The following BLTP1 variants were observed in gnomAD, a reference collection of about 807,000 sequenced individuals.
BLTP1 encodes bridge-like lipid transfer protein family member 1, also known as fragile site-associated protein.
chr4:122,153,734 T>C, the BLTP1 span, among the ~76,000 whole-genome samples: 3 of 152,346 alleles, frequency 2.0e-5, no homozygotes, highest in Middle Eastern at 3.4e-3. Flanking sequence ...TTTTGAGTTA[T>C]GTTTTAAACA....
chr4:122,264,406 T>C, the BLTP1 span: 30 of 1,607,950 alleles, frequency 1.9e-5, no homozygotes, highest in Middle Eastern at 3.3e-4. Context: ...GGTTTCCTGC[T>C]GTTCAGCTTG....
chr4:122,234,794 T>C, the BLTP1 span: 2 of 1,613,434 alleles, frequency 1.2e-6, no homozygotes, highest in Non-Finnish European at 8.5e-7. Flanking sequence ...TATGGCCAGA[T>C]GATATCCTGA....
At chr4:122,248,005 A>G in the BLTP1 span, 5 of 985,052 alleles carry the variant, frequency 5.1e-6, no homozygotes, top group African/African-American at 7.0e-5. Flanking sequence ...CTGGTGACCA[A>G]TTCTGAGTAA....
At chr4:122,269,181 T>A in the BLTP1 span, 1 of 480,838 alleles carries the variant, frequency 2.1e-6, no homozygotes. Context: ...AATATGTTTA[T>A]ATGTATACAT....
the BLTP1 span, chr4:122,246,692 T>G: frequency 6.2e-7 from 1 of 1,612,232 alleles, no homozygotes; most frequent in Non-Finnish European, 8.5e-7. Context: ...GGTAAACTTA[T>G]GTTTGTTACA....
chr4:122,209,313 A>G, the BLTP1 span: 1 of 1,612,472 alleles, frequency 6.2e-7, no homozygotes, highest in Non-Finnish European at 8.5e-7. Context: ...GTTAAACCAA[A>G]ATGGCGCAAC....
At chr4:122,251,563 AT>A in the BLTP1 span, 13 of 984,356 alleles carry the variant, frequency 1.3e-5, no homozygotes, top group Non-Finnish European at 1.6e-5. Flanking sequence ...TAAAAATACA[AT>A]AGCTACTCAC....
the BLTP1 span, among the ~76,000 whole-genome samples, chr4:122,354,447 T>A: frequency 6.8e-6 from 1 of 146,946 alleles, no homozygotes; most frequent in Non-Finnish European, 1.5e-5. Context: ...TCTATCAAGT[T>A]GTAAGTTTAA....
At chr4:122,170,193 C>T in the BLTP1 span, 20 of 337,362 alleles carry the variant, frequency 5.9e-5, no homozygotes, top group African/African-American at 4.3e-4. Context: ...GTAATCCCAG[C>T]TACGAGGTAG....
the BLTP1 span, chr4:122,306,035 C>G: frequency 6.2e-7 from 1 of 1,603,316 alleles, no homozygotes; most frequent in South Asian, 1.1e-5. Context: ...AGCCTGTGGC[C>G]TTTGATAGAG....
chr4:122,188,118 A>C, the BLTP1 span: 5 of 1,412,584 alleles, frequency 3.5e-6, no homozygotes, highest in Admixed American at 8.4e-5. Flanking sequence ...ATAATAAAAA[A>C]CTTCTTATAG....
the BLTP1 span, chr4:122,239,521 C>T: frequency 2.6e-6 from 4 of 1,564,030 alleles, no homozygotes; most frequent in Admixed American, 1.8e-5. Flanking sequence ...TTTAGTATCC[C>T]TACAGAAATT....
the BLTP1 span, chr4:122,255,251 G>A: frequency 1.1e-5 from 17 of 1,609,368 alleles, no homozygotes; most frequent in Non-Finnish European, 5.1e-6. Flanking sequence ...TCTGCACCAG[G>A]CAAATTACTC....
the BLTP1 span, chr4:122,199,213 T>TC: frequency 9.7e-7 from 1 of 1,033,800 alleles, no homozygotes; most frequent in Non-Finnish European, 1.3e-6. Context: ...GTTAGCAAGC[T>TC]CCCTGTCACT....
the BLTP1 span, among the ~76,000 whole-genome samples, chr4:122,323,864 C>T: frequency 6.6e-6 from 1 of 151,972 alleles, no homozygotes; most frequent in Non-Finnish European, 1.5e-5. Flanking sequence ...TCCACATATT[C>T]CCCTCAATTC....
chr4:122,266,937 GA>G, the BLTP1 span: 2 of 1,585,556 alleles, frequency 1.3e-6, no homozygotes, highest in Non-Finnish European at 1.7e-6. Flanking sequence ...GCCAAAGAGA[GA>G]AAAGGCAAAA....
At chr4:122,186,389 A>G in the BLTP1 span, among the ~76,000 whole-genome samples, 1 of 152,020 alleles carries the variant, frequency 6.6e-6, no homozygotes, top group Non-Finnish European at 1.5e-5. Flanking sequence ...AATTGAGATA[A>G]TATAGAATAT....
chr4:122,281,261 G>T, the BLTP1 span: 4 of 967,790 alleles, frequency 4.1e-6, no homozygotes, highest in Non-Finnish European at 4.9e-6. Context: ...AGACAAATCT[G>T]AGTTTAAATC....
chr4:122,210,211 G>T, the BLTP1 span: 1 of 184,752 alleles, frequency 5.4e-6, no homozygotes, highest in East Asian at 1.9e-4. Flanking sequence ...GAGGAAATAT[G>T]CTCAGAAAAG....
Sources: gnomAD v4.1 joint callset for allele counts (sites outside exome capture counted in the v4.1 genomes callset) on GRCh38, gnomAD v4.1.1 for gene constraint, MANE v1.5 for transcripts, NCBI Gene and HGNC (gene_info 2026-07-23, HGNC 2026-07-21) for gene names.